MARCHF8: variants seen among roughly 807,000 people sequenced by gnomAD.
The protein encoded by MARCHF8 is membrane associated ring-CH-type finger 8.
MARCHF8 carries 40 observed loss-of-function variants against 51.6 expected under a neutral mutation model. That is an observed-to-expected ratio of 0.77 (90% CI 0.60 to 1.01). MARCHF8 has a LOEUF of 1.01. Ranked by LOEUF, MARCHF8 falls within the 50% of genes least tolerant of loss-of-function variation. The pLI, the probability that MARCHF8 is intolerant of heterozygous loss-of-function variation, is 0.00. For missense variants in MARCHF8, 685 were observed against 708.6 expected (o/e 0.97, Z 0.38); for synonymous variants, 263 against 280.3 (o/e 0.94, Z 0.62).
intron 3 of MARCHF8, among the ~76,000 whole-genome samples, chr10:45,474,370 G>A (rs976330029): frequency 4.6e-5 from 7 of 152,034 alleles, no homozygotes; most frequent in African/African-American, 1.7e-4. Context: ...ATACTCTATG[G>A]CTTCCTGGTA....
intron 1 of MARCHF8, among the ~76,000 whole-genome samples, chr10:45,592,466 G>A (rs531757818): frequency 1.3e-5 from 2 of 152,190 alleles, no homozygotes; most frequent in Non-Finnish European, 2.9e-5. Context: ...GTCTTTTACG[G>A]GGGGGAAAAA....
At chr10:45,487,476 C>T (rs1175397014) in intron 3 of MARCHF8, among the ~76,000 whole-genome samples, 2 of 152,182 alleles carry the variant, frequency 1.3e-5, no homozygotes, top group Admixed American at 6.5e-5. Flanking sequence ...AGCAAACAGG[C>T]CATCTGCAGC....
chr10:45,548,346 T>C (rs1222551819), intron 1 of MARCHF8, among the ~76,000 whole-genome samples: 2 of 152,090 alleles, frequency 1.3e-5, no homozygotes, highest in Non-Finnish European at 2.9e-5. Context: ...AGTGAGATGC[T>C]AATGTGGGGC....
intron 1 of MARCHF8, among the ~76,000 whole-genome samples, chr10:45,534,055 C>T (rs1355151812): frequency 2.0e-5 from 3 of 152,008 alleles, no homozygotes; most frequent in Non-Finnish European, 2.9e-5. Flanking sequence ...TGGTGGCGGG[C>T]GCCTGTAGTC....
chr10:45,567,697 T>C (rs1350460459), intron 1 of MARCHF8, among the ~76,000 whole-genome samples: 1 of 152,220 alleles, frequency 6.6e-6, no homozygotes, highest in African/African-American at 2.4e-5. Flanking sequence ...CTCCATAGTA[T>C]AATTTGAAGT....
At chr10:45,542,067 C>T (rs531770015) in intron 1 of MARCHF8, among the ~76,000 whole-genome samples, 31 of 152,224 alleles carry the variant, frequency 2.0e-4, no homozygotes, top group Non-Finnish European at 3.8e-4. Context: ...ACTCCTAGGC[C>T]GGGCGCAGTG....
chr10:45,571,853 A>G (rs2044432468), intron 1 of MARCHF8, among the ~76,000 whole-genome samples: 1 of 152,132 alleles, frequency 6.6e-6, no homozygotes, highest in South Asian at 2.1e-4. Flanking sequence ...GTAGAGACAA[A>G]GGAGACATGT....
At chr10:45,493,899 C>T (rs534799883) in intron 2 of MARCHF8, among the ~76,000 whole-genome samples, 1 of 152,322 alleles carries the variant, frequency 6.6e-6, no homozygotes, top group African/African-American at 2.4e-5. Context: ...GATCCTCCCA[C>T]CTCAACCTCC....
intron 1 of MARCHF8, among the ~76,000 whole-genome samples, chr10:45,561,686 G>C (rs2044311808): frequency 6.6e-6 from 1 of 150,758 alleles, no homozygotes; most frequent in Non-Finnish European, 1.5e-5. Flanking sequence ...AGATCACAAG[G>C]TCAGGAGATC....
At chr10:45,532,054 C>T (rs1206767260) in intron 2 of MARCHF8, among the ~76,000 whole-genome samples, 2 of 152,188 alleles carry the variant, frequency 1.3e-5, no homozygotes, top group Non-Finnish European at 2.9e-5. Context: ...CTACTGCCAC[C>T]TCATCTGGGC....
chr10:45,467,257 T>C (rs889342882), intron 3 of MARCHF8, among the ~76,000 whole-genome samples: 1 of 152,222 alleles, frequency 6.6e-6, no homozygotes, highest in African/African-American at 2.4e-5. Flanking sequence ...TCTCTTCTTA[T>C]TAGATCACAG....
chr10:45,570,203 T>C (rs903043627), intron 1 of MARCHF8, among the ~76,000 whole-genome samples: 2 of 152,172 alleles, frequency 1.3e-5, no homozygotes, highest in Admixed American at 1.3e-4. Context: ...ATATTTTTCA[T>C]TTATAAAAAA....
Position 45,463,808 on chromosome 10 carries a change from T to C in MARCHF8, c.431A>G (p.Lys144Arg). 2 of 1,549,368 alleles carry C rather than the reference T, an allele frequency of 1.3e-6. No homozygotes were observed. Among genetic ancestry groups the C allele is most frequent in the Non-Finnish European group, 1.7e-6 (2 of 1,147,080 alleles). Residue 144 changes from lysine (K) to arginine (R), a missense_variant, in exon 5 of 8, where the codon AAG becomes AGG. By Grantham distance (26) the Lys-to-Arg change is conservative. Coordinates refer to ENST00000453424, the MANE Select transcript of MARCHF8 (RefSeq NM_001282866.2). ...TAGTGTTCTTCTGGCTTTGGTATTCTTAGCAGGCTTCAAGGCCTGGGCCCA... is the reference window on the plus strand; with the variant it reads ...TAGTGTTCTTCTGGCTTTGGTATTCCTAGCAGGCTTCAAGGCCTGGGCCCA... ...SEWAQALKPA[K>R]NTKARRTLKF...
At chr10:45,463,108 T>G (rs1377475448) in intron 5 of MARCHF8, 43 bp downstream of exon 5, 1 of 1,517,232 alleles carries the variant, frequency 6.6e-7, no homozygotes, top group Admixed American at 2.1e-5. Context: ...AGGTTCCTGA[T>G]GCGAGCAGAG....
chr10:45,458,525 A>G lies in MARCHF8; in HGVS notation c.1436T>C (p.Phe479Ser). The change falls in exon 8 of 8, where the codon TTT (phenylalanine) becomes TCT (serine). Residue 479 changes from phenylalanine to serine, a missense_variant. Coordinates refer to ENST00000453424, the MANE Select transcript of MARCHF8 (RefSeq NM_001282866.2). Reference sequence around the variant, plus strand: ...GGCCACAACCACCAATTTAGTCCAAAAGGGCCATTCTAGGATTCCTGGAAG... The same window carrying G: ...GGCCACAACCACCAATTTAGTCCAAGAGGGCCATTCTAGGATTCCTGGAAG... ...GQATGILEWP[F>S]WTKLVVVAIG... 6.3e-7 allele frequency: 1 copy of G among 1,597,476 alleles called. No homozygotes were observed. Among genetic ancestry groups the G allele is most frequent in the Non-Finnish European group, 8.5e-7 (1 of 1,172,748 alleles).
At chr10:45,552,230 A>G (rs2044203871) in intron 1 of MARCHF8, among the ~76,000 whole-genome samples, 1 of 151,942 alleles carries the variant, frequency 6.6e-6, no homozygotes, top group South Asian at 2.1e-4. Context: ...CCATTTTCCC[A>G]TGGTGAAATC....
At chr10:45,483,568 T>A (rs1374899124) in intron 3 of MARCHF8, among the ~76,000 whole-genome samples, 16 of 152,222 alleles carry the variant, frequency 1.1e-4, no homozygotes, top group Non-Finnish European at 1.5e-5. Context: ...CTACAGAGTA[T>A]TTCCCCAGAG....
chr10:45,458,236 C>A lies in MARCHF8; in HGVS notation c.*3G>T. On this transcript the variant is annotated 3_prime_UTR_variant, in exon 8 of 8. Coordinates refer to ENST00000453424, the MANE Select transcript of MARCHF8 (RefSeq NM_001282866.2). Reference sequence around the variant, plus strand: ...GTCCAGGAAAATGACAACCCGCACACAATCAGACGTGAATGATTTCTGCTC... The same window carrying A: ...GTCCAGGAAAATGACAACCCGCACAAAATCAGACGTGAATGATTTCTGCTC... 1 of 1,605,222 alleles carries A rather than the reference C, an allele frequency of 6.2e-7. No homozygotes were observed. Among genetic ancestry groups the A allele is most frequent in the Non-Finnish European group, 8.5e-7 (1 of 1,175,418 alleles).
In MARCHF8 at chr10:45,456,238, G is replaced by A. The variant is rs1204233316; in HGVS notation, c.*2001C>T. 1 of 152,410 alleles carries A rather than the reference G, an allele frequency of 6.6e-6. No homozygotes were observed. Among genetic ancestry groups the A allele is most frequent in the Non-Finnish European group, 1.5e-5 (1 of 68,186 alleles). 9.4% of individuals were successfully genotyped at this position (152,410 alleles called of 1,614,324 possible). On this transcript the variant is annotated 3_prime_UTR_variant, in exon 8 of 8. Coordinates refer to ENST00000453424, the MANE Select transcript of MARCHF8 (RefSeq NM_001282866.2). ...GTCTGTGGTTGCCTGGGGTCCCCAGGCTGAGAAGGGGTATGGGTAATTGCA... is the reference window on the plus strand; with the variant it reads ...GTCTGTGGTTGCCTGGGGTCCCCAGACTGAGAAGGGGTATGGGTAATTGCA...
Sources: allele counts gnomAD v4.1 joint callset (sites outside exome capture counted in the v4.1 genomes callset), GRCh38; gene constraint gnomAD v4.1.1; transcripts MANE v1.5; gene names NCBI Gene and HGNC (gene_info 2026-07-23, HGNC 2026-07-21).